MYT1L: variants seen among roughly 807,000 people sequenced by gnomAD.
MYT1L encodes myelin transcription factor 1-like protein.
MYT1L carries 12 observed loss-of-function variants against 126.7 expected under a neutral mutation model. The ratio of observed to expected loss-of-function variants is 0.09; its 90% CI spans 0.06 to 0.15. The LOEUF (loss-of-function observed/expected upper bound fraction) is 0.15, where lower values mean the gene tolerates loss of function less well. Among genes scored for constraint, MYT1L ranks in the 10% least tolerant of loss-of-function variants. The pLI is 1.00. For missense variants in MYT1L, 979 were observed against 1,585.2 expected (o/e 0.62, Z 6.49); for synonymous variants, 541 against 604.2 (o/e 0.90, Z 1.53).
chr2:2,092,831 C>A (rs1341142981), intron 3 of MYT1L, among the ~76,000 whole-genome samples: 1 of 152,210 alleles, frequency 6.6e-6, no homozygotes, highest in Non-Finnish European at 1.5e-5. Flanking sequence ...AAAAGTGACA[C>A]ACAGAGCAGT....
chr2:2,324,814 T>G (rs1454808970), intron 1 of MYT1L: 1 of 152,566 alleles, frequency 6.6e-6, no homozygotes, highest in African/African-American at 2.4e-5. Context: ...CATATCCACT[T>G]CCCCAAATCC....
At chr2:2,201,659 C>T (rs2093077775) in intron 2 of MYT1L, among the ~76,000 whole-genome samples, 1 of 151,278 alleles carries the variant, frequency 6.6e-6, no homozygotes, top group South Asian at 2.1e-4. Context: ...GATTGCACCA[C>T]TGCACTCCAG....
intron 1 of MYT1L, 82 bp downstream of exon 1, chr2:2,330,885 G>C (rs957243060): frequency 6.6e-6 from 1 of 152,102 alleles, no homozygotes; most frequent in African/African-American, 2.4e-5. Flanking sequence ...CAATGGAATA[G>C]CAGCCTCAGC....
At chr2:2,236,791 TTCTTCTTCTTCTTCTTCTTCTTC>T (rs2094325110) in intron 2 of MYT1L, among the ~76,000 whole-genome samples, 4 of 17,754 alleles carry the variant, frequency 2.3e-4, no homozygotes, top group African/African-American at 5.3e-4. Flanking sequence ...CTTCTTCTTC[TTCTTCTTCTTCTTCTTCTTCTTC>T]TTTTTTTTTT....
intron 5 of MYT1L, among the ~76,000 whole-genome samples, chr2:1,994,140 A>G (rs2061647619): frequency 6.6e-6 from 1 of 152,200 alleles, no homozygotes; most frequent in Admixed American, 6.5e-5. Flanking sequence ...AGTCATTTGA[A>G]AAGAATCCCA....
At position 1,806,157 on chromosome 2, in the gene MYT1L, CTG is replaced by C. The variant is rs1464388034; in HGVS notation, c.3172+2917_3172+2918del. Among the ~76,000 whole-genome samples, 3 of 152,290 alleles carry C rather than the reference CTG, an allele frequency of 2.0e-5. No homozygotes were observed. In the East Asian group the frequency reaches 5.8e-4, roughly 29 times the overall value. On this transcript the variant is annotated intron_variant, in intron 22 of 24. Coordinates refer to ENST00000647738, the MANE Select transcript of MYT1L (RefSeq NM_001303052.2). This position sits in a 1 kb window ranked among gnomAD's most constrained non-coding sequence, Gnocchi z 4.9. ...ATGGAAATGATGCCTGGGCACACAA[CTG>C]TGCTCTGGGGGTAAGAAAGAACTAT... is the stretch of plus-strand genomic sequence containing the variant.
intron 21 of MYT1L, among the ~76,000 whole-genome samples, chr2:1,813,892 T>A (rs943759594): frequency 9.3e-6 from 1 of 107,246 alleles, no homozygotes. Flanking sequence ...CCGGGCGTGG[T>A]AGCGGGCGCC....
intron 9 of MYT1L, among the ~76,000 whole-genome samples, chr2:1,930,126 A>C (rs545005936): frequency 6.6e-6 from 1 of 152,292 alleles, no homozygotes; most frequent in East Asian, 1.9e-4. Flanking sequence ...CCCTAATTTG[A>C]GTAAGCGCTC....
At chr2:1,988,232 C>T (rs1465692138) in intron 5 of MYT1L, among the ~76,000 whole-genome samples, 1 of 152,176 alleles carries the variant, frequency 6.6e-6, no homozygotes, top group Non-Finnish European at 1.5e-5. Context: ...GCCAGCCCAG[C>T]TGCACCTCCG....
chr2:2,121,003 G>A (rs1455349018), intron 3 of MYT1L, among the ~76,000 whole-genome samples: 1 of 152,186 alleles, frequency 6.6e-6, no homozygotes, highest in African/African-American at 2.4e-5. Flanking sequence ...TCACCGGGAG[G>A]CCGGCGCGGA....
At chr2:1,815,109 C>G (rs1489309020) in intron 21 of MYT1L, among the ~76,000 whole-genome samples, 3 of 152,170 alleles carry the variant, frequency 2.0e-5, no homozygotes, top group Non-Finnish European at 4.4e-5. Context: ...CCATGAAAGG[C>G]AGATGTCAGG....
rs549801497 is a variant in MYT1L, at chr2:1,959,029, G to T, written c.153-15695C>A. 4.6e-5 allele frequency among the ~76,000 whole-genome samples: 7 copies of T among 152,306 alleles called. 1 individual carries two copies. In the South Asian group the frequency reaches 1.2e-3, roughly 27 times the overall value. ...AAAACATCAGTCACAAAAAAGAATCGGTGGGGAGCTTGAATCCCTCTGGGG... is the reference window on the plus strand; with the variant it reads ...AAAACATCAGTCACAAAAAAGAATCTGTGGGGAGCTTGAATCCCTCTGGGG... On this transcript the variant is annotated intron_variant, in intron 8 of 24. Transcript: ENST00000647738.
intron 2 of MYT1L, among the ~76,000 whole-genome samples, chr2:2,207,635 A>G (rs974242169): frequency 6.6e-6 from 1 of 152,160 alleles, no homozygotes; most frequent in African/African-American, 2.4e-5. Context: ...ACTGATAACT[A>G]ACTGTTGACA....
intron 3 of MYT1L, among the ~76,000 whole-genome samples, chr2:2,139,319 A>C (rs558291758): frequency 1.3e-5 from 2 of 152,270 alleles, no homozygotes; most frequent in South Asian, 4.1e-4. Context: ...GGTGAGTTAC[A>C]AATGAATGTG....
chr2:2,091,930 C>T (rs1476861188), intron 3 of MYT1L, among the ~76,000 whole-genome samples: 1 of 152,218 alleles, frequency 6.6e-6, no homozygotes, highest in Non-Finnish European at 1.5e-5. Context: ...TAGGGCCTTT[C>T]TCTGGATTAA....
At chr2:2,055,878 T>C (rs1468619089) in intron 3 of MYT1L, among the ~76,000 whole-genome samples, 1 of 152,240 alleles carries the variant, frequency 6.6e-6, no homozygotes, top group Non-Finnish European at 1.5e-5. Context: ...AGATTCATCG[T>C]GTTGTCCATC....
intron 4 of MYT1L, among the ~76,000 whole-genome samples, chr2:2,018,247 T>G (rs1427262380): frequency 6.6e-6 from 1 of 152,202 alleles, no homozygotes; most frequent in Non-Finnish European, 1.5e-5. Context: ...AGTGTCTGTT[T>G]CTCTGTCTGT....
chr2:2,046,213 A>T (rs1247221619), intron 4 of MYT1L, among the ~76,000 whole-genome samples: 1 of 152,232 alleles, frequency 6.6e-6, no homozygotes, highest in Non-Finnish European at 1.5e-5. Context: ...TCTGAAGTCC[A>T]ATGCACTGAC....
At chr2:1,822,823 A>G (rs62117645) in intron 21 of MYT1L, among the ~76,000 whole-genome samples, 1,295 of 74,158 alleles carry the variant, frequency 0.017, 19 homozygotes, top group African/African-American at 0.079. Context: ...CTGTGTCCAC[A>G]GTGAAACCCT....
Sources: gnomAD v4.1 joint callset for allele counts (sites outside exome capture counted in the v4.1 genomes callset) on GRCh38, gnomAD v4.1.1 for gene constraint, Gnocchi (gnomAD v3.1) non-coding constraint, MANE v1.5 for transcripts, NCBI Gene and HGNC (gene_info 2026-07-23, HGNC 2026-07-21) for gene names.